The following P2RY12 variants were observed in gnomAD, a reference collection of about 807,000 sequenced individuals.
P2RY12 encodes P2Y purinoceptor 12.
P2RY12 carries 3 observed loss-of-function variants against 4.5 expected under a neutral mutation model. The ratio of observed to expected loss-of-function variants is 0.67; its 90% CI spans 0.31 to 1.74. The LOEUF is 1.74. P2RY12 is among the 40% of genes most tolerant of loss of function. The pLI, the probability that P2RY12 is intolerant of heterozygous loss-of-function variation, is 0.09. For synonymous variants in P2RY12, 148 were observed against 154.1 expected, an observed-to-expected ratio of 0.96 and a Z score of 0.29; for missense variants, 356 against 407.8, an observed-to-expected ratio of 0.87 and a Z score of 1.09.
intron 1 of P2RY12, among the ~76,000 whole-genome samples, chr3:151,372,288 T>C (rs1256474731): frequency 1.3e-5 from 2 of 152,210 alleles, no homozygotes; most frequent in Admixed American, 1.3e-4. Context: ...TTACTTAGTG[T>C]GATTCATAAT....
rs966257535 is a variant in P2RY12, at chr3:151,337,034, A to G, written c.*783T>C. ...AGCTATTTTCTAGAAGCTAATTAAT[A>G]AAGGTAAGTGTCAATGATGGTATTA... On this transcript the variant is annotated 3_prime_UTR_variant, in exon 3 of 3. Coordinates refer to ENST00000302632, the MANE Select transcript of P2RY12 (RefSeq NM_022788.5). 17 of 152,366 alleles carry G rather than the reference A, an allele frequency of 1.1e-4. No individual in the cohort carries two copies. The highest frequency in any genetic ancestry group is 9.8e-4 in the Admixed American group (15 of 15,268). The allele number at this position is 152,366 out of a possible 1,614,324, so 9.4% of individuals were successfully genotyped here.
chr3:151,341,522 A>G (rs1186607930), intron 1 of P2RY12, among the ~76,000 whole-genome samples: 1 of 151,836 alleles, frequency 6.6e-6, no homozygotes, highest in Non-Finnish European at 1.5e-5. Flanking sequence ...GGCAAAAAAT[A>G]TGTTAGGGGT....
intron 1 of P2RY12, chr3:151,372,900 T>C: frequency 1.6e-6 from 1 of 641,596 alleles, no homozygotes; most frequent in Admixed American, 3.3e-5. Flanking sequence ...TAATTTTAAG[T>C]TTGCTGAAAA....
intron 1 of P2RY12, among the ~76,000 whole-genome samples, chr3:151,354,123 A>G: frequency 7.8e-6 from 1 of 128,164 alleles, no homozygotes; most frequent in Admixed American, 8.9e-5. Context: ...CCTGGGCGAC[A>G]GAGCGAGACT....
intron 1 of P2RY12, among the ~76,000 whole-genome samples, chr3:151,347,216 TA>T (rs1478011561): frequency 6.6e-5 from 10 of 151,998 alleles, no homozygotes. Flanking sequence ...AATCATCAGG[TA>T]AAGTTTCCTA....
chr3:151,344,785 G>A (rs1160094508), intron 1 of P2RY12, among the ~76,000 whole-genome samples: 5 of 152,140 alleles, frequency 3.3e-5, no homozygotes, highest in Non-Finnish European at 7.4e-5. Context: ...TTTCCTTAAG[G>A]ACATTAGTAA....
intron 1 of P2RY12, among the ~76,000 whole-genome samples, chr3:151,356,622 T>C (rs1301835714): frequency 1.3e-5 from 2 of 152,034 alleles, no homozygotes; most frequent in African/African-American, 4.8e-5. Flanking sequence ...GTGTTTCTTC[T>C]GTTTTTTTTT....
chr3:151,383,295 A>G (rs10935840), intron 1 of P2RY12, among the ~76,000 whole-genome samples: 46,387 of 152,116 alleles, frequency 0.3, 7,814 homozygotes, highest in Non-Finnish European at 0.38. Context: ...CCTTGTCCCA[A>G]CACGTGAACT....
intron 1 of P2RY12, chr3:151,372,806 C>A (rs1281692044): frequency 5.2e-6 from 8 of 1,541,468 alleles, no homozygotes; most frequent in Non-Finnish European, 6.3e-6. Context: ...GAGTACGTAA[C>A]TCTTCTTTTG....
rs151100476 is a variant in P2RY12, at chr3:151,367,257, G to A, written c.-180+17435C>T. 4.6e-3 allele frequency among the ~76,000 whole-genome samples: 699 copies of A among 152,234 alleles called. 11 individuals carry two copies. Among genetic ancestry groups the A allele is most frequent in the African/African-American group, 0.016 (648 of 41,524 alleles). On this transcript the variant is annotated intron_variant, in intron 1 of 2. Transcript: ENST00000302632. ...TAGTGAGGCTTGTTTTTCAACTAGGGGGAGCCTCCTGGTTTTTCCCTGCCT... is the reference window on the plus strand; with the variant it reads ...TAGTGAGGCTTGTTTTTCAACTAGGAGGAGCCTCCTGGTTTTTCCCTGCCT...
At chr3:151,373,493 C>T (rs1288542534) in intron 1 of P2RY12, among the ~76,000 whole-genome samples, 1 of 151,952 alleles carries the variant, frequency 6.6e-6, no homozygotes, top group Non-Finnish European at 1.5e-5. Flanking sequence ...AACTCCCCCA[C>T]CCCTCATAAG....
intron 1 of P2RY12, among the ~76,000 whole-genome samples, chr3:151,368,437 A>G (rs1755551731): frequency 6.6e-6 from 1 of 152,072 alleles, no homozygotes; most frequent in South Asian, 2.1e-4. Context: ...GTGTAATATC[A>G]GGATATATTG....
chr3:151,342,982 G>A (rs1193649787), intron 1 of P2RY12, among the ~76,000 whole-genome samples: 1 of 152,104 alleles, frequency 6.6e-6, no homozygotes, highest in East Asian at 1.9e-4. Flanking sequence ...GTTAGATGGA[G>A]ACCCCATTCT....
chr3:151,376,709 C>T, intron 1 of P2RY12: 2 of 1,040,594 alleles, frequency 1.9e-6, no homozygotes, highest in Non-Finnish European at 2.9e-6. Flanking sequence ...GATTATTCTG[C>T]TCTTTCTTGA....
intron 1 of P2RY12, chr3:151,382,885 T>C: frequency 1.6e-6 from 1 of 622,348 alleles, no homozygotes; most frequent in Non-Finnish European, 2.8e-6. Context: ...ATTACTTCCC[T>C]GTTTCTAAAG....
chr3:151,346,482 T>G (rs1421855567), intron 1 of P2RY12, among the ~76,000 whole-genome samples: 1 of 152,198 alleles, frequency 6.6e-6, no homozygotes, highest in Non-Finnish European at 1.5e-5. Flanking sequence ...TTCTTAGCTT[T>G]GTGCCCTGCC....
chr3:151,341,814 G>A (rs1163796298), intron 1 of P2RY12, among the ~76,000 whole-genome samples: 3 of 151,212 alleles, frequency 2.0e-5, no homozygotes, highest in Admixed American at 1.3e-4. Context: ...ACCTATGAGT[G>A]AGAATATGTG....
chr3:151,366,993 A>G (rs907459472), intron 1 of P2RY12, among the ~76,000 whole-genome samples: 32 of 152,198 alleles, frequency 2.1e-4, no homozygotes, highest in Admixed American at 6.5e-5. Context: ...AGTCCTTGGC[A>G]TATGGTGCGA....
chr3:151,348,949 T>G (rs892751257), intron 1 of P2RY12, among the ~76,000 whole-genome samples: 2 of 152,250 alleles, frequency 1.3e-5, no homozygotes, highest in African/African-American at 4.8e-5. Flanking sequence ...TTGTTTTCTC[T>G]GTGAGGAATT....
Sources: allele counts gnomAD v4.1 joint callset (sites outside exome capture counted in the v4.1 genomes callset), GRCh38; gene constraint gnomAD v4.1.1; transcripts MANE v1.5; gene names NCBI Gene and HGNC (gene_info 2026-07-23, HGNC 2026-07-21).